The following SAMMSON variants were observed in gnomAD, a reference collection of about 807,000 sequenced individuals.
SAMMSON encodes survival associated mitochondrial melanoma specific oncogenic non-coding RNA, also known as long intergenic non-protein coding RNA 1212.
chr3:70,199,374 A>G (rs181186009), intron 4 of SAMMSON, among the ~76,000 whole-genome samples: 1 of 150,150 alleles, frequency 6.7e-6, no homozygotes, highest in African/African-American at 2.4e-5. Context: ...GATTTTATTT[A>G]CAAAAGAAAA....
chr3:70,186,858 T>C (rs757521087), intron 4 of SAMMSON, among the ~76,000 whole-genome samples: 24 of 152,222 alleles, frequency 1.6e-4, no homozygotes, highest in Non-Finnish European at 1.0e-4. Flanking sequence ...GGAAGTAAAC[T>C]CAGGGAAGCC....
intron 9 of SAMMSON, among the ~76,000 whole-genome samples, chr3:70,383,060 C>T (rs4140813): frequency 0.43 from 65,825 of 151,874 alleles, 14,472 homozygotes; most frequent in Admixed American, 0.5. Flanking sequence ...CTCATGCTCT[C>T]ATAGGTAACT....
At chr3:70,277,191 A>G (rs928682029) in intron 6 of SAMMSON, among the ~76,000 whole-genome samples, 1 of 152,220 alleles carries the variant, frequency 6.6e-6, no homozygotes, top group Admixed American at 6.5e-5. Context: ...AGGCTGGAAC[A>G]ATGAACATAG....
At chr3:70,348,323 G>C (rs1046011525) in intron 7 of SAMMSON, among the ~76,000 whole-genome samples, 1 of 152,156 alleles carries the variant, frequency 6.6e-6, no homozygotes, top group Non-Finnish European at 1.5e-5. Flanking sequence ...GCCCATTCAG[G>C]CTGCTATAGC....
chr3:70,403,026 A>G (rs1487110275), intron 2 of SAMMSON, among the ~76,000 whole-genome samples: 2 of 152,108 alleles, frequency 1.3e-5, no homozygotes, highest in Non-Finnish European at 2.9e-5. Flanking sequence ...TATGGTCTGT[A>G]TGCTTTATAG....
chr3:70,275,457 C>T (rs1335253149), intron 6 of SAMMSON, among the ~76,000 whole-genome samples: 1 of 152,170 alleles, frequency 6.6e-6, no homozygotes, highest in Non-Finnish European at 1.5e-5. Flanking sequence ...CAAGGCTGCA[C>T]TGAGCAGTGA....
intron 3 of SAMMSON, among the ~76,000 whole-genome samples, chr3:70,032,327 C>T (rs1001561308): frequency 6.6e-6 from 1 of 152,080 alleles, no homozygotes; most frequent in East Asian, 1.9e-4. Context: ...AAAAAAATAG[C>T]CACTTGCTTA....
At chr3:70,005,465 A>G (rs2066922985) in intron 1 of SAMMSON, among the ~76,000 whole-genome samples, 1 of 152,142 alleles carries the variant, frequency 6.6e-6, no homozygotes, top group African/African-American at 2.4e-5. Context: ...GTGTTTCATC[A>G]TTTAGTATTC....
chr3:70,090,727 A>G (rs2067301997), intron 4 of SAMMSON, among the ~76,000 whole-genome samples: 1 of 151,850 alleles, frequency 6.6e-6, no homozygotes, highest in South Asian at 2.1e-4. Context: ...TACAGCTTTT[A>G]TTGGCAACTA....
chr3:70,116,207 G>C (rs9855111), intron 4 of SAMMSON, among the ~76,000 whole-genome samples: 1 of 151,060 alleles, frequency 6.6e-6, no homozygotes. Flanking sequence ...TCTGAGCACA[G>C]ATATTGGAAA....
intron 7 of SAMMSON, among the ~76,000 whole-genome samples, chr3:70,313,896 A>C (rs1702476471): frequency 6.6e-6 from 1 of 152,180 alleles, no homozygotes; most frequent in African/African-American, 2.4e-5. Flanking sequence ...CACAGTTTTC[A>C]AACTGGGGCC....
At chr3:70,299,957 G>A (rs1028162974) in intron 7 of SAMMSON, among the ~76,000 whole-genome samples, 1 of 151,968 alleles carries the variant, frequency 6.6e-6, no homozygotes, top group Non-Finnish European at 1.5e-5. Flanking sequence ...CGTAGCTATC[G>A]TTCTCTGAAA....
chr3:70,164,040 T>C (rs544710228), intron 4 of SAMMSON, among the ~76,000 whole-genome samples: 1 of 151,990 alleles, frequency 6.6e-6, no homozygotes, highest in South Asian at 2.1e-4. Context: ...TCCATAAGAG[T>C]TGATTAATTG....
At chr3:70,121,563 G>C (rs1029888989) in intron 4 of SAMMSON, among the ~76,000 whole-genome samples, 2 of 152,096 alleles carry the variant, frequency 1.3e-5, no homozygotes, top group Non-Finnish European at 2.9e-5. Context: ...GACTTTCTTG[G>C]ACTTTCTTCA....
At chr3:70,054,200 C>T (rs770007062) in intron 3 of SAMMSON, among the ~76,000 whole-genome samples, 6 of 151,964 alleles carry the variant, frequency 3.9e-5, no homozygotes, top group Non-Finnish European at 5.9e-5. Flanking sequence ...AATATCTTGC[C>T]CCAGTGACTA....
intron 4 of SAMMSON, among the ~76,000 whole-genome samples, chr3:70,152,192 A>T (rs1428570422): frequency 1.3e-5 from 2 of 151,986 alleles, no homozygotes; most frequent in African/African-American, 4.8e-5. Flanking sequence ...ACTCTATTGA[A>T]ATTGAACACT....
In SAMMSON at chr3:70,009,490, T is replaced by G. The variant is rs567705642; in HGVS notation, n.23-2867T>G. Among the ~76,000 whole-genome samples the G allele has an allele frequency of 2.8e-3, 422 of 152,290 alleles. 1 individual carries two copies. Among genetic ancestry groups the G allele is most frequent in the African/African-American group, 8.6e-3 (357 of 41,542 alleles). ...TGTGGGATCGGTGGTGATATCCCCT[T>G]TATCATTTTTTATTGCGTCTATTTG... On this transcript the variant is annotated intron_variant and non_coding_transcript_variant, in intron 1 of 9. Transcript: ENST00000642114.
intron 7 of SAMMSON, among the ~76,000 whole-genome samples, chr3:70,327,032 A>C (rs1280934458): frequency 6.6e-6 from 1 of 151,954 alleles, no homozygotes; most frequent in Non-Finnish European, 1.5e-5. Context: ...CTAATCTTTG[A>C]TTTTCAGTAG....
intron 6 of SAMMSON, among the ~76,000 whole-genome samples, chr3:70,276,474 G>C (rs1237835843): frequency 6.6e-6 from 1 of 152,026 alleles, no homozygotes; most frequent in Non-Finnish European, 1.5e-5. Flanking sequence ...ATAATACTTA[G>C]AAGTGGCTGT....
Sources: allele counts gnomAD v4.1 joint callset (sites outside exome capture counted in the v4.1 genomes callset), GRCh38; gene constraint gnomAD v4.1.1; transcripts MANE v1.5; gene names NCBI Gene and HGNC (gene_info 2026-07-23, HGNC 2026-07-21).